The following ALKBH3 variants were observed in gnomAD, a reference collection of about 807,000 sequenced individuals.
The protein encoded by ALKBH3 is alkB homolog 3, alpha-ketoglutarate dependent dioxygenase, also known as alpha-ketoglutarate-dependent dioxygenase alkB homolog 3.
Under a neutral mutation model 43.9 loss-of-function variants are expected in ALKBH3, and 51 were observed. That is an observed-to-expected ratio of 1.16 (90% CI 0.93 to 1.47). The LOEUF is 1.47. Ranked by LOEUF, ALKBH3 falls within the 40% of genes most tolerant of loss-of-function variation. The pLI is 0.00. For synonymous variants in ALKBH3, 102 were observed against 115.2 expected, an observed-to-expected ratio of 0.89 and a Z score of 0.73; for missense variants, 361 against 351.9, an observed-to-expected ratio of 1.03 and a Z score of -0.21.
At chr11:43,907,680 A>G (rs1486053155) in intron 8 of ALKBH3, among the ~76,000 whole-genome samples, 4 of 152,078 alleles carry the variant, frequency 2.6e-5, no homozygotes, top group East Asian at 1.9e-4. Flanking sequence ...GAGAAGAGCA[A>G]AGTGTGTTTC....
intron 8 of ALKBH3, among the ~76,000 whole-genome samples, chr11:43,904,003 G>A (rs1365464718): frequency 6.6e-6 from 1 of 152,214 alleles, no homozygotes; most frequent in African/African-American, 2.4e-5. Flanking sequence ...GTAACATGTA[G>A]ATGGAGAGCA....
At chr11:43,913,120 A>C (rs1322482567) in intron 8 of ALKBH3, among the ~76,000 whole-genome samples, 2 of 152,148 alleles carry the variant, frequency 1.3e-5, no homozygotes, top group East Asian at 1.9e-4. Context: ...AAAAAAAAAA[A>C]AACAAGTACA....
At position 43,905,738 on chromosome 11, in the gene ALKBH3, G is replaced by A. The variant is rs555736331; in HGVS notation, c.669+4013G>A. On this transcript the variant is annotated intron_variant, in intron 8 of 9. Transcript: ENST00000302708. ...AGACCTTTTTTATTCTATCAGGCTG[G>A]CATTATTAAAGGTTTTCTATACTTC... is the stretch of plus-strand genomic sequence containing the variant. Among the ~76,000 whole-genome samples, 4 of 152,168 alleles carry A rather than the reference G, an allele frequency of 2.6e-5. No homozygotes were observed. In the South Asian group the frequency reaches 8.3e-4, roughly 32 times the overall value.
intron 6 of ALKBH3, among the ~76,000 whole-genome samples, chr11:43,890,465 T>C (rs1229929783): frequency 6.6e-6 from 1 of 152,202 alleles, no homozygotes; most frequent in Non-Finnish European, 1.5e-5. Context: ...TGAGTGAATT[T>C]AAATTTTCTG....
At position 43,919,951 on chromosome 11, in the gene ALKBH3, C is replaced by T; in HGVS notation, c.802C>T (p.Pro268Ser). The change falls in exon 10 of 10, where the codon CCG (proline) becomes TCG (serine). Residue 268 changes from proline to serine, a missense_variant. Pro to Ser is a moderately conservative substitution (Grantham distance 74). Transcript: ENST00000302708. ...GCCCAAAGAATACCACTCTAGAGAACCGAGAGTGAACCTGACCTTTCGGAC... is the reference window on the plus strand; with the variant it reads ...GCCCAAAGAATACCACTCTAGAGAATCGAGAGTGAACCTGACCTTTCGGAC... ...RVPKEYHSRE[P>S]RVNLTFRTVY... 1 of 1,614,142 alleles carries T rather than the reference C, an allele frequency of 6.2e-7. No homozygotes were observed. The highest frequency in any genetic ancestry group is 8.5e-7 in the Non-Finnish European group (1 of 1,180,002).
chr11:43,901,557 G>C lies in ALKBH3; in HGVS notation c.501G>C (p.Glu167Asp). Residue 167 changes from glutamate to aspartate, a missense_variant, in exon 8 of 10, where the codon GAG (glutamate) becomes GAC (aspartate). Transcript: ENST00000302708. ...GCACACTAAAGAACCGCATTGAAGA[G>C]AACACTGGCCACACCTTCAACTCCT... ...VLRTLKNRIE[E>D]NTGHTFNSLL... 6.2e-7 allele frequency: 1 copy of C among 1,614,178 alleles called. No individual in the cohort carries two copies. The highest frequency in any genetic ancestry group is 8.5e-7 in the Non-Finnish European group (1 of 1,180,044).
intron 5 of ALKBH3, 26 bp downstream of exon 5, chr11:43,886,679 C>A: frequency 6.2e-7 from 1 of 1,606,954 alleles, no homozygotes; most frequent in African/African-American, 1.3e-5. Flanking sequence ...CAAGAAGTGA[C>A]CGTAATTATC....
intron 8 of ALKBH3, among the ~76,000 whole-genome samples, chr11:43,917,988 AGT>A (rs1406244086): frequency 6.6e-6 from 1 of 152,202 alleles, no homozygotes; most frequent in Non-Finnish European, 1.5e-5. Flanking sequence ...TAAACAGTTA[AGT>A]TCTCAGAAGC....
rs1472452831 is a variant in ALKBH3, at chr11:43,908,437, C to T, written c.669+6712C>T. Among the ~76,000 whole-genome samples the T allele has an allele frequency of 3.9e-5, 6 of 152,242 alleles. 1 individual carries two copies. The East Asian group carries it at 7.7e-4, about 20-fold the overall frequency. ...TTGCACTTCTGCTAGTGACTGGGCT[C>T]AGCTGGAGGTGAGGTATGGCGGAAT... On this transcript the variant is annotated intron_variant, in intron 8 of 9. Transcript: ENST00000302708.
chr11:43,881,656 AAC>A (rs994744023), intron 1 of ALKBH3, among the ~76,000 whole-genome samples: 3 of 152,232 alleles, frequency 2.0e-5, no homozygotes, highest in Non-Finnish European at 4.4e-5. Context: ...GAACTTGTTA[AAC>A]ACACAGATTC....
chr11:43,883,048 T>A (rs1347606791), intron 2 of ALKBH3, 37 bp from the exon 3 acceptor site: 1 of 1,564,070 alleles, frequency 6.4e-7, no homozygotes, highest in East Asian at 2.2e-5. Flanking sequence ...AGAACAGACT[T>A]TCCCCTGGTT....
chr11:43,889,882 TG>T, intron 6 of ALKBH3, 54 bp downstream of exon 6: 1 of 1,417,888 alleles, frequency 7.1e-7, no homozygotes, highest in Non-Finnish European at 9.9e-7. Context: ...CTCTCTGGAA[TG>T]TTTCCTAGTA....
At position 43,893,008 on chromosome 11, in the gene ALKBH3, G is replaced by T. The variant is rs373333090; in HGVS notation, c.459+879G>T. On this transcript the variant is annotated intron_variant, in intron 7 of 9. Coordinates refer to ENST00000302708, the MANE Select transcript of ALKBH3 (RefSeq NM_139178.4). ...AGTGCCGAGACCCTTTATATCTGAG[G>T]TTGATTTTGAAACGTGGAGATAATA... 2.0e-3 allele frequency among the ~76,000 whole-genome samples: 299 copies of T among 152,310 alleles called. 3 individuals carry two copies. Among genetic ancestry groups the T allele is most frequent in the African/African-American group, 7.0e-3 (291 of 41,564 alleles).
intron 7 of ALKBH3, chr11:43,898,978 A>G: frequency 1.3e-6 from 1 of 753,070 alleles, no homozygotes. Flanking sequence ...GAAGACCTCA[A>G]GCTCTGGACT....
chr11:43,917,800 A>G lies in ALKBH3; in HGVS notation c.670-1238A>G, dbSNP rs79057808. Among the ~76,000 whole-genome samples the G allele has an allele frequency of 4.6e-5, 7 of 152,214 alleles. No homozygotes were observed. The East Asian group carries it at 1.3e-3, about 29-fold the overall frequency. On this transcript the variant is annotated intron_variant, in intron 8 of 9. Coordinates refer to ENST00000302708, the MANE Select transcript of ALKBH3 (RefSeq NM_139178.4). ...ATTACTGGAAGAGAAAAGGTGGCAG[A>G]CACAATTAAAATCAATCACTGAAAC...
At chr11:43,899,872 G>GA (rs10636253) in intron 7 of ALKBH3, among the ~76,000 whole-genome samples, 42,148 of 121,752 alleles carry the variant, frequency 0.35, 7,356 homozygotes, top group East Asian at 0.66. Flanking sequence ...GTGGTCTCAG[G>GA]AAAAAAAAAA....
intron 8 of ALKBH3, among the ~76,000 whole-genome samples, chr11:43,916,048 T>A (rs1163963984): frequency 6.6e-6 from 1 of 152,252 alleles, no homozygotes; most frequent in African/African-American, 2.4e-5. Context: ...GTATGATGAT[T>A]TTAAAGCATT....
At chr11:43,911,356 G>C (rs1009977911) in intron 8 of ALKBH3, among the ~76,000 whole-genome samples, 39 of 152,170 alleles carry the variant, frequency 2.6e-4, no homozygotes, top group Non-Finnish European at 4.0e-4. Flanking sequence ...GTGGTGAGTG[G>C]AGTTGCTGTT....
intron 7 of ALKBH3, among the ~76,000 whole-genome samples, chr11:43,895,934 A>G (rs1458699347): frequency 3.9e-5 from 6 of 152,194 alleles, no homozygotes; most frequent in Non-Finnish European, 8.8e-5. Context: ...TGTCTTCCCA[A>G]TAGTCTTCTT....
Sources: allele counts gnomAD v4.1 joint callset (sites outside exome capture counted in the v4.1 genomes callset), GRCh38; gene constraint gnomAD v4.1.1; transcripts MANE v1.5; gene names NCBI Gene and HGNC (gene_info 2026-07-23, HGNC 2026-07-21).